Variants in TIAM2 observed in about 807,000 individuals in gnomAD.
TIAM2 encodes TIAM Rac1 associated GEF 2.
A neutral mutation model predicts 152.9 loss-of-function variants in TIAM2; 80 were observed. The ratio of observed to expected loss-of-function variants is 0.52; its 90% confidence interval spans 0.44 to 0.63. The LOEUF (loss-of-function observed/expected upper bound fraction) is 0.63, where lower values mean the gene tolerates loss of function less well. Among genes scored for constraint, TIAM2 ranks in the 30% least tolerant of loss-of-function variants. The probability of loss-of-function intolerance (pLI) is 0.00; values close to 1 mark genes in which losing one functional copy is unlikely to be tolerated. For synonymous variants in TIAM2, 804 were observed against 838.0 expected, an observed-to-expected ratio of 0.96 and a Z score of 0.70; for missense variants, 1,965 against 2,120.1, an observed-to-expected ratio of 0.93 and a Z score of 1.44.
In TIAM2 at chr6:155,129,525, A is replaced by G. The variant is rs1779386239; in HGVS notation, c.302A>G (p.Lys101Arg). Reference protein sequence around the residue: ...YSTHRTNAPGKDFQGISAAFS... With the variant: ...YSTHRTNAPGRDFQGISAAFS... ...ACGCACAGGACAAATGCCCCAGGGA[A>G]GGATTTCCAGGGCATCAGTGCTGCT... Residue 101 changes from lysine (K) to arginine (R), a missense_variant, in exon 4 of 27, where the codon AAG becomes AGG. Coordinates refer to ENST00000682666, the MANE Select transcript of TIAM2 (RefSeq NM_012454.4). This position sits in a 1 kb window ranked among gnomAD's most constrained non-coding sequence, Gnocchi z 4.8. The G allele has an allele frequency of 1.9e-6, 3 of 1,614,024 alleles. No homozygotes were observed. Among genetic ancestry groups the G allele is most frequent in the Admixed American group, 3.3e-5 (2 of 60,002 alleles).
chr6:155,230,606 A>AT (rs1431705023), intron 15 of TIAM2, among the ~76,000 whole-genome samples: 1 of 152,036 alleles, frequency 6.6e-6, no homozygotes, highest in Non-Finnish European at 1.5e-5. Context: ...GCCTCAAATA[A>AT]TTTTTTTTAA....
chr6:155,176,140 T>A lies in TIAM2; in HGVS notation c.2362-676T>A, dbSNP rs1169020289. On this transcript the variant is annotated intron_variant, in intron 9 of 26. Coordinates refer to ENST00000682666, the MANE Select transcript of TIAM2 (RefSeq NM_012454.4). ...ATTCAGTGGGAGGTCAGAGAGGGAT[T>A]ATGGCTGAGATGCAGGCTTCACAGT... Among the ~76,000 whole-genome samples the A allele has an allele frequency of 2.0e-5, 3 of 152,324 alleles. No individual in the cohort carries two copies. The East Asian group carries it at 5.8e-4, about 29-fold the overall frequency.
At chr6:155,144,100 C>G (rs1363966637) in intron 5 of TIAM2, among the ~76,000 whole-genome samples, 2 of 152,220 alleles carry the variant, frequency 1.3e-5, no homozygotes, top group African/African-American at 2.4e-5. Flanking sequence ...TCGTTCCTCT[C>G]CAGCCCACTT....
chr6:155,239,336 G>A (rs1782917165), intron 15 of TIAM2, among the ~76,000 whole-genome samples: 1 of 152,196 alleles, frequency 6.6e-6, no homozygotes, highest in African/African-American at 2.4e-5. Flanking sequence ...AGCAGAGGTG[G>A]GCCGAGTACC....
chr6:155,025,067 C>T (rs906976572), intron 1 of TIAM2, among the ~76,000 whole-genome samples: 1 of 152,130 alleles, frequency 6.6e-6, no homozygotes, highest in Non-Finnish European at 1.5e-5. Flanking sequence ...GGCTCTGTCA[C>T]CCAGGCTGGC....
At chr6:155,230,074 T>C (rs1453610120) in intron 15 of TIAM2, among the ~76,000 whole-genome samples, 1 of 140,582 alleles carries the variant, frequency 7.1e-6, no homozygotes, top group Admixed American at 7.0e-5. Flanking sequence ...GTGACACCTG[T>C]ACCACCGAGA....
chr6:155,117,740 G>T (rs1483949572), intron 2 of TIAM2, among the ~76,000 whole-genome samples: 3 of 152,104 alleles, frequency 2.0e-5, no homozygotes, highest in African/African-American at 7.2e-5. Flanking sequence ...ACTGTGCCTG[G>T]CCTTTCATAT....
chr6:155,250,428 G>T, intron 21 of TIAM2: 1 of 806,170 alleles, frequency 1.2e-6, no homozygotes, highest in Non-Finnish European at 1.9e-6. Context: ...TGCTTCTCAA[G>T]CCAGCATGCA....
At chr6:155,067,949 T>G (rs2114948683) in intron 1 of TIAM2, among the ~76,000 whole-genome samples, 1 of 152,324 alleles carries the variant, frequency 6.6e-6, no homozygotes, top group South Asian at 2.1e-4. Flanking sequence ...ACTTTTTCCT[T>G]GTTTTTTAAT....
At position 155,257,072 on chromosome 6, in the gene TIAM2, T is replaced by C. The variant is rs764445494; in HGVS notation, c.5057T>C (p.Val1686Ala). 5.7e-5 allele frequency: 92 copies of C among 1,613,928 alleles called. No individual in the cohort carries two copies. Among genetic ancestry groups the C allele is most frequent in the Non-Finnish European group, 5.1e-6 (6 of 1,180,012 alleles). ...REFSVQSLTS[V>A]VSEECFYETE... ...TTCAGTGTCCAGAGTTTAACATCTGTTGTCAGTGAGGAGTGTTTTTATGAA... is the reference window on the plus strand; with the variant it reads ...TTCAGTGTCCAGAGTTTAACATCTGCTGTCAGTGAGGAGTGTTTTTATGAA... Residue 1686 changes from valine to alanine, a missense_variant, in exon 27 of 27, where the codon GTT becomes GCT. By Grantham distance (64) the Val-to-Ala change is moderately conservative. This residue lies in a region of TIAM2 where 935 missense variants were observed against 980.0 expected (regional missense o/e 0.95). Coordinates refer to ENST00000682666, the MANE Select transcript of TIAM2 (RefSeq NM_012454.4).
intron 7 of TIAM2, among the ~76,000 whole-genome samples, chr6:155,152,184 A>G (rs1256077631): frequency 1.3e-5 from 2 of 152,182 alleles, no homozygotes; most frequent in Non-Finnish European, 2.9e-5. Flanking sequence ...TACACCCCTG[A>G]GCGGAACTGT....
chr6:155,001,593 C>T (rs1162621663), intron 1 of TIAM2, among the ~76,000 whole-genome samples: 1 of 152,238 alleles, frequency 6.6e-6, no homozygotes, highest in African/African-American at 2.4e-5. Flanking sequence ...ATGGCCTGGG[C>T]CCTGGCCCAC....
intron 2 of TIAM2, among the ~76,000 whole-genome samples, chr6:155,114,826 A>T (rs1243450926): frequency 6.6e-6 from 1 of 151,900 alleles, no homozygotes; most frequent in Non-Finnish European, 1.5e-5. Context: ...TATTTATTTA[A>T]ATTTAATTTT....
At chr6:155,232,608 G>A (rs1782527104) in intron 15 of TIAM2, 1 of 152,234 alleles carries the variant, frequency 6.6e-6, no homozygotes, top group Admixed American at 6.5e-5. Flanking sequence ...AAACTCTGAG[G>A]ACATGAGACT....
Position 155,045,034 on chromosome 6 carries a change from TTTTC to T in TIAM2, c.-208-45251_-208-45248del, listed in dbSNP as rs1250305442. Reference sequence around the variant, plus strand: ...TTCTTTTTCTCTTACTGAAAGCCCTTTTTCTTTTTCTTTTTCTTTTTTTTTTTTT... The same window carrying T: ...TTCTTTTTCTCTTACTGAAAGCCCTTTTTTTCTTTTTCTTTTTTTTTTTTT... On this transcript the variant is annotated intron_variant, in intron 1 of 26. Transcript: ENST00000682666. Among the ~76,000 whole-genome samples, 78 of 150,344 alleles carry T rather than the reference TTTTC, an allele frequency of 5.2e-4. 2 individuals carry two copies. Among genetic ancestry groups the T allele is most frequent in the African/African-American group, 1.8e-3 (76 of 41,102 alleles).
In TIAM2 at chr6:155,166,651, T is replaced by A. The variant is rs544115682; in HGVS notation, c.2361+1242T>A. On this transcript the variant is annotated intron_variant, in intron 9 of 26. Coordinates refer to ENST00000682666, the MANE Select transcript of TIAM2 (RefSeq NM_012454.4). ...TAACATTTTTATTAAGGAAAAATAG[T>A]CTAAGCACATGTTATGTGAAATGTG... Among the ~76,000 whole-genome samples, 143 of 152,330 alleles carry A rather than the reference T, an allele frequency of 9.4e-4. 1 individual carries two copies. The South Asian group carries it at 0.01, about 11-fold the overall frequency.
chr6:155,047,213 C>G (rs750036891), intron 1 of TIAM2, among the ~76,000 whole-genome samples: 3 of 152,176 alleles, frequency 2.0e-5, no homozygotes, highest in Admixed American at 1.3e-4. Context: ...CTCACTCTGT[C>G]GCCCAGGCTG....
At chr6:155,162,642 A>G (rs1016003507) in intron 7 of TIAM2, among the ~76,000 whole-genome samples, 7 of 152,236 alleles carry the variant, frequency 4.6e-5, no homozygotes, top group Non-Finnish European at 1.0e-4. Context: ...AAGGCCATGC[A>G]CCAGAATCCC....
At chr6:155,091,060 C>T (rs1778292007) in intron 2 of TIAM2, among the ~76,000 whole-genome samples, 1 of 152,144 alleles carries the variant, frequency 6.6e-6, no homozygotes, top group African/African-American at 2.4e-5. Flanking sequence ...CTCAGATGAA[C>T]ATAACCTTCC....
Sources: gnomAD v4.1 joint callset for allele counts (sites outside exome capture counted in the v4.1 genomes callset) on GRCh38, gnomAD v4.1.1 for gene constraint, gnomAD v4.1.1 regional missense constraint, Gnocchi (gnomAD v3.1) non-coding constraint, MANE v1.5 for transcripts, NCBI Gene and HGNC (gene_info 2026-07-23, HGNC 2026-07-21) for gene names.